Variants in RNLS observed in about 807,000 individuals in gnomAD.
The protein encoded by RNLS is renalase, FAD dependent amine oxidase.
A neutral mutation model predicts 39.8 loss-of-function variants in RNLS; 39 were observed. The ratio of observed to expected loss-of-function variants is 0.98; its 90% CI spans 0.76 to 1.28. The LOEUF (loss-of-function observed/expected upper bound fraction) is 1.28. Among genes scored for constraint, RNLS ranks in the 50% most tolerant of loss-of-function variants. RNLS has a pLI of 0.00. For synonymous variants in RNLS, 147 were observed against 150.7 expected (o/e 0.98, Z 0.18); for missense variants, 410 against 413.3 (o/e 0.99, Z 0.07).
intron 4 of RNLS, among the ~76,000 whole-genome samples, chr10:88,364,676 A>T (rs369224297): frequency 4.1e-4 from 62 of 152,318 alleles, no homozygotes; most frequent in African/African-American, 1.2e-3. Context: ...AATAAAAGCC[A>T]TATTTCCCTT....
At chr10:88,380,437 G>C (rs552140854) in intron 4 of RNLS, among the ~76,000 whole-genome samples, 1 of 134,932 alleles carries the variant, frequency 7.4e-6, no homozygotes, top group Non-Finnish European at 1.5e-5. Context: ...GTGCAGTGGC[G>C]TGATCTCCGC....
chr10:88,326,736 T>G (rs1455200412), intron 5 of RNLS, among the ~76,000 whole-genome samples: 2 of 152,160 alleles, frequency 1.3e-5, no homozygotes, highest in Non-Finnish European at 2.9e-5. Flanking sequence ...GATCCCAGAA[T>G]GGTAGATCCA....
At chr10:88,463,775 A>T (rs1171307585) in intron 4 of RNLS, among the ~76,000 whole-genome samples, 3 of 151,964 alleles carry the variant, frequency 2.0e-5, no homozygotes, top group Non-Finnish European at 2.9e-5. Context: ...AATAAAATAC[A>T]GTTTTATATC....
intron 4 of RNLS, among the ~76,000 whole-genome samples, chr10:88,452,973 C>A (rs1842439534): frequency 6.6e-6 from 1 of 152,138 alleles, no homozygotes; most frequent in South Asian, 2.1e-4. Context: ...ATATGTAAGC[C>A]ACCTAAACAG....
chr10:88,172,023 C>G, the RNLS span, among the ~76,000 whole-genome samples: 2 of 152,138 alleles, frequency 1.3e-5, no homozygotes, highest in African/African-American at 4.8e-5. Context: ...TGATAGTATT[C>G]TACTGTGTAT....
At chr10:88,399,739 T>C (rs1564768322) in intron 4 of RNLS, among the ~76,000 whole-genome samples, 1 of 152,064 alleles carries the variant, frequency 6.6e-6, no homozygotes, top group Non-Finnish European at 1.5e-5. Context: ...ATTTTTATGG[T>C]ATGTGAATTA....
At chr10:88,467,486 C>T (rs1009523053) in intron 4 of RNLS, among the ~76,000 whole-genome samples, 5 of 151,978 alleles carry the variant, frequency 3.3e-5, no homozygotes, top group African/African-American at 9.7e-5. Flanking sequence ...AGGACTTTGA[C>T]AGGGTAGGGT....
At chr10:88,480,221 C>G (rs1844074896) in intron 4 of RNLS, among the ~76,000 whole-genome samples, 1 of 152,208 alleles carries the variant, frequency 6.6e-6, no homozygotes, top group Non-Finnish European at 1.5e-5. Flanking sequence ...TTCCACGTTC[C>G]TTTACCTAGG....
chr10:88,579,029 GA>G (rs1850371607), intron 3 of RNLS, among the ~76,000 whole-genome samples: 1 of 152,094 alleles, frequency 6.6e-6, no homozygotes, highest in African/African-American at 2.4e-5. Flanking sequence ...ACTAATATGA[GA>G]AAAAGCATAC....
At chr10:88,274,941 G>A (rs1842756645) in exon 7 of RNLS, 1 of 1,592,034 alleles carries the variant, frequency 6.3e-7, no homozygotes, top group South Asian at 1.1e-5. Context: ...ACCTGACTGT[G>A]TGCTCCAATT....
intron 4 of RNLS, among the ~76,000 whole-genome samples, chr10:88,504,842 AGAGTGTGTGT>A (rs1291223175): frequency 8.1e-4 from 87 of 106,820 alleles, no homozygotes; most frequent in Non-Finnish European, 1.1e-3. Flanking sequence ...AGAGAGAGAC[AGAGTGTGTGT>A]GTGTGTGTGT....
At chr10:88,205,333 T>C in the RNLS span, among the ~76,000 whole-genome samples, 2 of 152,140 alleles carry the variant, frequency 1.3e-5, no homozygotes, top group African/African-American at 4.8e-5. Context: ...CTGAAGTGTG[T>C]GGAGGGATAA....
intron 4 of RNLS, among the ~76,000 whole-genome samples, chr10:88,416,417 C>A (rs751129937): frequency 5.3e-4 from 80 of 151,832 alleles, no homozygotes; most frequent in Admixed American, 1.5e-3. Flanking sequence ...ACACGCCCGG[C>A]TAATTTCGTA....
the RNLS span, among the ~76,000 whole-genome samples, chr10:88,266,731 ACACACC>A: frequency 6.9e-6 from 1 of 144,936 alleles, no homozygotes; most frequent in South Asian, 2.2e-4. Context: ...ACACACACAC[ACACACC>A]CCACACACAC....
the RNLS span, among the ~76,000 whole-genome samples, chr10:88,183,172 TC>T: frequency 6.6e-6 from 1 of 152,142 alleles, no homozygotes; most frequent in African/African-American, 2.4e-5. Context: ...ATCCATATTT[TC>T]CTTTGGATGC....
chr10:88,548,504 T>C (rs1468751774), intron 4 of RNLS, among the ~76,000 whole-genome samples: 1 of 147,724 alleles, frequency 6.8e-6, no homozygotes, highest in African/African-American at 2.5e-5. Context: ...CCAGGCATGG[T>C]GGTGGGCGCC....
chr10:88,523,096 A>C (rs949744871), intron 4 of RNLS, among the ~76,000 whole-genome samples: 26 of 152,064 alleles, frequency 1.7e-4, no homozygotes, highest in Non-Finnish European at 2.9e-4. Flanking sequence ...ATCAAAAAAA[A>C]CCCTTTTCTA....
the RNLS span, among the ~76,000 whole-genome samples, chr10:88,194,674 G>A: frequency 6.6e-6 from 1 of 152,162 alleles, no homozygotes; most frequent in African/African-American, 2.4e-5. Flanking sequence ...CTGGAGAAAT[G>A]ATTAAAAATG....
intron 4 of RNLS, among the ~76,000 whole-genome samples, chr10:88,437,033 C>T (rs1373890193): frequency 2.0e-5 from 3 of 152,304 alleles, no homozygotes; most frequent in South Asian, 2.1e-4. Flanking sequence ...AGTTTGGGGG[C>T]TAATGTATAA....
Sources: allele counts gnomAD v4.1 joint callset (sites outside exome capture counted in the v4.1 genomes callset), GRCh38; gene constraint gnomAD v4.1.1; transcripts MANE v1.5; gene names NCBI Gene and HGNC (gene_info 2026-07-23, HGNC 2026-07-21).